Variants in SLCO4A1 observed in about 807,000 individuals in gnomAD.
SLCO4A1 encodes the protein solute carrier organic anion transporter family member 4A1.
SLCO4A1 carries 51 observed loss-of-function variants against 64.6 expected under a neutral mutation model. The ratio of observed to expected loss-of-function variants is 0.79; its 90% CI spans 0.63 to 1.00. SLCO4A1 has a LOEUF of 1.00. Among genes scored for constraint, SLCO4A1 ranks in the 50% least tolerant of loss-of-function variants. The probability of loss-of-function intolerance (pLI) is 0.00; values close to 1 mark genes in which losing one functional copy is unlikely to be tolerated. For synonymous variants in SLCO4A1, 471 were observed against 444.9 expected (o/e 1.06, Z -0.74); for missense variants, 919 against 980.5 (o/e 0.94, Z 0.84).
intron 2 of SLCO4A1, among the ~76,000 whole-genome samples, chr20:62,658,453 C>G (rs566863268): frequency 2.0e-5 from 3 of 152,392 alleles, no homozygotes; most frequent in Non-Finnish European, 2.9e-5. Flanking sequence ...AAGGGAAAGA[C>G]AGTGCACTTG....
Position 62,656,873 on chromosome 20 carries a change from A to C in SLCO4A1, c.419A>C (p.Tyr140Ser), listed in dbSNP as rs756391318. ...GAGCGCCGCTATGACCTGCACAGCT[A>C]CCAGAGCGGGCTCATCGCCAGCTCC... is the stretch of plus-strand genomic sequence containing the variant. The part of the protein sequence containing the change: ...SLERRYDLHS[Y>S]QSGLIASSYD... Residue 140 changes from tyrosine (Y) to serine (S), a missense_variant, in exon 2 of 12, where the codon TAC becomes TCC. Transcript: ENST00000217159. The C allele has an allele frequency of 1.3e-6, 2 of 1,589,684 alleles. No homozygotes were observed. The highest frequency in any genetic ancestry group is 1.7e-6 in the Non-Finnish European group (2 of 1,162,924).
chr20:62,658,867 C>G, intron 3 of SLCO4A1, 100 bp downstream of exon 3: 1 of 1,053,378 alleles, frequency 9.5e-7, no homozygotes, highest in South Asian at 1.4e-5. Flanking sequence ...AGGCCGGGCG[C>G]GGCGCAGGTG....
At chr20:62,677,285 G>T (rs1021073420), downstream of SLCO4A1, among the ~76,000 whole-genome samples, 1 of 152,226 alleles carries the variant, frequency 6.6e-6, no homozygotes, top group Non-Finnish European at 1.5e-5. Context: ...AATATTTGGG[G>T]ATGTGACTTA....
At chr20:62,653,040 G>C (rs992096361) in intron 1 of SLCO4A1, among the ~76,000 whole-genome samples, 2 of 152,222 alleles carry the variant, frequency 1.3e-5, no homozygotes, top group African/African-American at 4.8e-5. Context: ...TTCCCCTACT[G>C]TGAGGCCTGG....
In SLCO4A1 at chr20:62,669,052, A is replaced by T; in HGVS notation, c.1999A>T (p.Ile667Leu). The change falls in exon 11 of 12, where the codon ATA (isoleucine) becomes TTA (leucine). Residue 667 changes from isoleucine (I) to leucine (L), a missense_variant. Ile to Leu is a conservative substitution (Grantham distance 5). Coordinates refer to ENST00000217159, the MANE Select transcript of SLCO4A1 (RefSeq NM_016354.4). Reference protein sequence around the residue: ...VYQNSAMSRYILIMGLLYKVL... With the variant: ...VYQNSAMSRYLLIMGLLYKVL... ...CCAGAATTCGGCCATGAGCCGCTAC[A>T]TACTCATCATGGGGCTCCTGTACAA... The T allele has an allele frequency of 4.3e-6, 7 of 1,611,260 alleles. No homozygotes were observed. Among genetic ancestry groups the T allele is most frequent in the Non-Finnish European group, 5.9e-6 (7 of 1,179,956 alleles).
At chr20:62,658,622 C>A in intron 2 of SLCO4A1, 55 bp from the exon 3 acceptor site, 1 of 1,460,652 alleles carries the variant, frequency 6.8e-7, no homozygotes, top group South Asian at 1.2e-5. Flanking sequence ...CCACACGGCC[C>A]TCCGCAGCCC....
At chr20:62,652,670 T>C (rs1300477466) in intron 1 of SLCO4A1, among the ~76,000 whole-genome samples, 1 of 152,158 alleles carries the variant, frequency 6.6e-6, no homozygotes, top group Non-Finnish European at 1.5e-5. Flanking sequence ...ACACTCCCTT[T>C]CTGACGCAGC....
chr20:62,688,695 C>T (rs569523065), downstream of SLCO4A1, among the ~76,000 whole-genome samples: 3 of 152,318 alleles, frequency 2.0e-5, no homozygotes, highest in East Asian at 5.8e-4. Context: ...CCACCCACTC[C>T]AGCAAACCCG....
At chr20:62,653,524 C>T (rs953915424) in intron 1 of SLCO4A1, among the ~76,000 whole-genome samples, 3 of 152,248 alleles carry the variant, frequency 2.0e-5, no homozygotes, top group Non-Finnish European at 4.4e-5. Context: ...AGGCCTGTCC[C>T]GGGGCTGGTT....
At chr20:62,660,995 CCT>C in intron 4 of SLCO4A1, 67 bp from the exon 5 acceptor site, 1 of 1,052,120 alleles carries the variant, frequency 9.5e-7, no homozygotes, top group South Asian at 1.4e-5. Context: ...GGGGGCAGAG[CCT>C]CTCTCGGAGA....
chr20:62,660,717 GT>G (rs1984625163), intron 4 of SLCO4A1, among the ~76,000 whole-genome samples, 184 bp downstream of exon 4: 1 of 152,216 alleles, frequency 6.6e-6, no homozygotes. Context: ...CACAAGGCAG[GT>G]TGTGTGTCCA....
Position 62,645,707 on chromosome 20 carries a change from G to T in SLCO4A1, c.-97+3154G>T, listed in dbSNP as rs1176115450. Among the ~76,000 whole-genome samples the T allele has an allele frequency of 6.6e-6, 1 of 152,134 alleles. No homozygotes were observed. Among genetic ancestry groups the T allele is most frequent in the South Asian group, 2.1e-4 (1 of 4,824 alleles). On this transcript the variant is annotated intron_variant, in intron 1 of 11. Coordinates refer to ENST00000217159, the MANE Select transcript of SLCO4A1 (RefSeq NM_016354.4). The surrounding 1 kb of genome is among the most constrained non-coding windows in gnomAD (Gnocchi z 4.2). ...AAGCCGCTCCCCACGTAGCCCAAGC[G>T]TAGGGTGAGACTTGGCACCAGTGGC... is the stretch of plus-strand genomic sequence containing the variant.
At chr20:62,680,212 G>A (rs1257338033) in intron 2 of SLCO4A1, among the ~76,000 whole-genome samples, 1 of 152,192 alleles carries the variant, frequency 6.6e-6, no homozygotes, top group Non-Finnish European at 1.5e-5. Context: ...GTTGAGTCCC[G>A]TGTGCTGACC....
chr20:62,660,191 G>A (rs897417812), intron 3 of SLCO4A1, among the ~76,000 whole-genome samples: 4 of 152,240 alleles, frequency 2.6e-5, no homozygotes, highest in Admixed American at 2.0e-4. Flanking sequence ...AAGGCATGGA[G>A]CCATCTGTCT....
chr20:62,662,127 A>AG (rs1226925526), intron 5 of SLCO4A1, among the ~76,000 whole-genome samples: 3 of 152,088 alleles, frequency 2.0e-5, no homozygotes, highest in African/African-American at 7.2e-5. Context: ...CCAGGATAGG[A>AG]GGGAAGGCAT....
intron 2 of SLCO4A1, among the ~76,000 whole-genome samples, chr20:62,681,508 G>A (rs1008365533): frequency 1.3e-4 from 15 of 115,722 alleles, no homozygotes; most frequent in South Asian, 3.2e-4. Flanking sequence ...TCATGTGTGC[G>A]CGTGTTTATT....
intron 6 of SLCO4A1, chr20:62,666,095 C>CCCCG (rs1986192857): frequency 3.2e-4 from 33 of 101,642 alleles, no homozygotes; most frequent in African/African-American, 1.3e-3. Flanking sequence ...TCTCCTCCTC[C>CCCCG]CCCCGCCCCG....
intron 11 of SLCO4A1, among the ~76,000 whole-genome samples, 178 bp from the exon 12 acceptor site, chr20:62,671,572 G>A (rs1987215536): frequency 6.6e-6 from 1 of 152,122 alleles, no homozygotes; most frequent in African/African-American, 2.4e-5. Context: ...AACAATATTG[G>A]CGTCTGCTCT....
At chr20:62,662,814 C>T (rs1473937834) in intron 5 of SLCO4A1, among the ~76,000 whole-genome samples, 1 of 135,664 alleles carries the variant, frequency 7.4e-6, no homozygotes, top group Non-Finnish European at 1.6e-5. Flanking sequence ...CAGAACCCCC[C>T]CAGGGTGCCC....
Sources: allele counts gnomAD v4.1 joint callset (sites outside exome capture counted in the v4.1 genomes callset), GRCh38; gene constraint gnomAD v4.1.1; non-coding constraint Gnocchi (gnomAD v3.1); transcripts MANE v1.5; gene names NCBI Gene and HGNC (gene_info 2026-07-23, HGNC 2026-07-21).